PACSIN2: variants seen among roughly 807,000 people sequenced by gnomAD.
The protein encoded by PACSIN2 is protein kinase C and casein kinase substrate in neurons protein 2.
PACSIN2 carries 25 observed loss-of-function variants against 63.8 expected under a neutral mutation model. The ratio of observed to expected loss-of-function variants is 0.39; its 90% CI spans 0.29 to 0.55. The LOEUF (loss-of-function observed/expected upper bound fraction) is 0.55. PACSIN2 is among the 20% of genes least tolerant of loss of function. The pLI is 0.62. For synonymous variants in PACSIN2, 255 were observed against 256.2 expected (o/e 1.00, Z 0.05); for missense variants, 518 against 646.9 (o/e 0.80, Z 2.16).
chr22:42,921,237 T>C (rs1932171131), intron 1 of PACSIN2, among the ~76,000 whole-genome samples: 1 of 151,920 alleles, frequency 6.6e-6, no homozygotes, highest in South Asian at 2.1e-4. Context: ...CACACGCCTG[T>C]AGTTCTAGCT....
chr22:42,934,201 G>C (rs904073675), intron 1 of PACSIN2, among the ~76,000 whole-genome samples: 1 of 152,192 alleles, frequency 6.6e-6, no homozygotes, highest in Non-Finnish European at 1.5e-5. Flanking sequence ...CGTGCAGAGA[G>C]CACTGAGGCT....
chr22:42,921,800 G>A (rs1379712123), intron 1 of PACSIN2, among the ~76,000 whole-genome samples: 3 of 151,320 alleles, frequency 2.0e-5, no homozygotes, highest in Non-Finnish European at 2.9e-5. Flanking sequence ...GTGCAGTGGC[G>A]CGATCTCAGC....
At chr22:42,912,804 A>C (rs1457698390) in intron 1 of PACSIN2, among the ~76,000 whole-genome samples, 6 of 152,180 alleles carry the variant, frequency 3.9e-5, no homozygotes, top group Non-Finnish European at 8.8e-5. Context: ...CCGAGATGAA[A>C]CTGTCTGACT....
Position 42,879,114 on chromosome 22 carries a change from G to A in PACSIN2, c.962C>T (p.Thr321Ile). Residue 321 changes from threonine (T) to isoleucine (I), a missense_variant, in exon 8 of 11, where the codon ACT becomes ATT. Thr to Ile is a moderately conservative substitution (Grantham distance 89). Around this residue, in one of 2 missense-constraint regions of PACSIN2, gnomAD observed 507 missense variants for 612.3 expected, o/e 0.83. Coordinates refer to ENST00000263246, the MANE Select transcript of PACSIN2 (RefSeq NM_001184970.3). Reference sequence around the variant, plus strand: ...GATGCCCGTCAGGGTGACGCCGTCAGTGGCCTTCTTCTTCTCTCTCCGGCT... The same window carrying A: ...GATGCCCGTCAGGGTGACGCCGTCAATGGCCTTCTTCTTCTCTCTCCGGCT... ...TLSRREKKKA[T>I]DGVTLTGINQ... 1 of 1,614,130 alleles carries A rather than the reference G, an allele frequency of 6.2e-7. No individual in the cohort carries two copies. The highest frequency in any genetic ancestry group is 8.5e-7 in the Non-Finnish European group (1 of 1,179,998).
chr22:42,974,761 AAAAAG>A (rs1381791353), intron 1 of PACSIN2, among the ~76,000 whole-genome samples: 24 of 151,480 alleles, frequency 1.6e-4, no homozygotes, highest in East Asian at 5.8e-4. Flanking sequence ...AAAAAAAAAA[AAAAAG>A]AAAAGAAAAG....
At chr22:42,977,072 A>G (rs1285484507) in intron 1 of PACSIN2, among the ~76,000 whole-genome samples, 2 of 152,246 alleles carry the variant, frequency 1.3e-5, no homozygotes, top group African/African-American at 4.8e-5. Flanking sequence ...TTGCAAATAT[A>G]TAAACATATA....
chr22:42,920,435 T>A (rs996306167), intron 1 of PACSIN2, among the ~76,000 whole-genome samples: 1 of 152,248 alleles, frequency 6.6e-6, no homozygotes, highest in African/African-American at 2.4e-5. Context: ...ATGTTTCCCA[T>A]GTAGTTCCTC....
Position 43,007,096 on chromosome 22 carries a change from T to A in PACSIN2, c.-78+7925A>T, listed in dbSNP as rs147717694. Among the ~76,000 whole-genome samples, 17 of 152,134 alleles carry A rather than the reference T, an allele frequency of 1.1e-4. No homozygotes were observed. The East Asian group carries it at 2.9e-3, about 26-fold the overall frequency. ...CATCTTGCTTCTCTGAAGATCTTCA[T>A]CCCGGTATTTTAAATACCCAGAAAC... On this transcript the variant is annotated intron_variant, in intron 1 of 10. Transcript: ENST00000263246.
At chr22:42,883,079 G>T (rs939296761) in intron 6 of PACSIN2, among the ~76,000 whole-genome samples, 2 of 152,104 alleles carry the variant, frequency 1.3e-5, no homozygotes, top group African/African-American at 2.4e-5. Flanking sequence ...TCACTAGCAG[G>T]GGCCCTAATC....
intron 2 of PACSIN2, among the ~76,000 whole-genome samples, chr22:42,901,010 C>A (rs1930646878): frequency 6.6e-6 from 1 of 152,194 alleles, no homozygotes; most frequent in Non-Finnish European, 1.5e-5. Flanking sequence ...AGGCCCTGCT[C>A]CTGTCCCCAC....
intron 1 of PACSIN2, among the ~76,000 whole-genome samples, chr22:42,970,508 A>G (rs1294032130): frequency 6.6e-6 from 1 of 152,276 alleles, no homozygotes; most frequent in Non-Finnish European, 1.5e-5. Flanking sequence ...TGTTAACATT[A>G]GAGAAAGTCA....
At chr22:43,003,067 G>C (rs1039682257) in intron 1 of PACSIN2, among the ~76,000 whole-genome samples, 1 of 152,194 alleles carries the variant, frequency 6.6e-6, no homozygotes, top group South Asian at 2.1e-4. Context: ...CAACCTCGAA[G>C]TGTTGCCTTG....
intron 1 of PACSIN2, among the ~76,000 whole-genome samples, chr22:43,007,812 G>A (rs2146927541): frequency 6.6e-6 from 1 of 152,358 alleles, no homozygotes; most frequent in South Asian, 2.1e-4. Context: ...GCTGCAGGCA[G>A]AGCCAGGGGC....
chr22:42,941,819 C>G (rs1421041131), intron 1 of PACSIN2, among the ~76,000 whole-genome samples: 3 of 152,140 alleles, frequency 2.0e-5, no homozygotes, highest in Non-Finnish European at 4.4e-5. Context: ...CTCTGTCACC[C>G]AGGCTGGAGT....
chr22:42,984,113 G>A (rs1251644265), intron 1 of PACSIN2, among the ~76,000 whole-genome samples: 1 of 151,842 alleles, frequency 6.6e-6, no homozygotes, highest in Non-Finnish European at 1.5e-5. Flanking sequence ...TGGGATCATA[G>A]GTGTGCACCA....
At chr22:42,879,788 G>A (rs921773358) in intron 7 of PACSIN2, among the ~76,000 whole-genome samples, 4 of 152,194 alleles carry the variant, frequency 2.6e-5, no homozygotes, top group Non-Finnish European at 5.9e-5. Flanking sequence ...TAAAACCAGG[G>A]CTAGGTGGCT....
In PACSIN2 at chr22:42,891,136, G is replaced by A. The variant is rs903783703; in HGVS notation, c.264C>T (p.Ser88=). 23 of 1,613,908 alleles carry A rather than the reference G, an allele frequency of 1.4e-5. No individual in the cohort carries two copies. The highest frequency in any genetic ancestry group is 3.3e-5 in the South Asian group (3 of 91,080). The change falls in exon 4 of 11, where the codon TCC becomes TCT. Residue 88 remains serine, a synonymous_variant. Transcript: ENST00000263246. ...TVEKAWMAFM[S]EAERVSELHL... is the part of the protein sequence containing the mutation. The stretch of plus-strand genomic sequence containing the variant: ...GCAGCTCGCTCACCCTCTCTGCCTC[G>A]GACATGAAGGCCATCCAGGCCTTCT...
chr22:43,006,706 T>C (rs1354619890), intron 1 of PACSIN2, among the ~76,000 whole-genome samples: 1 of 152,012 alleles, frequency 6.6e-6, no homozygotes, highest in Non-Finnish European at 1.5e-5. Context: ...TCCCAGCTAC[T>C]TGGGAGGCTG....
In PACSIN2 at chr22:42,933,888, C is replaced by T. The variant is rs79358373; in HGVS notation, c.-77-21731G>A. Among the ~76,000 whole-genome samples, 1,451 of 152,174 alleles carry T rather than the reference C, an allele frequency of 9.5e-3. 23 individuals carry two copies. Among genetic ancestry groups the T allele is most frequent in the African/African-American group, 0.033 (1,359 of 41,492 alleles). ...GTGTGTGAAAGTATGAACAAGCAGA[C>T]GAGGAAATATTATGGCGCCATGGTA... is the stretch of plus-strand genomic sequence containing the variant. On this transcript the variant is annotated intron_variant, in intron 1 of 10. Coordinates refer to ENST00000263246, the MANE Select transcript of PACSIN2 (RefSeq NM_001184970.3).
Sources: gnomAD v4.1 joint callset for allele counts (sites outside exome capture counted in the v4.1 genomes callset) on GRCh38, gnomAD v4.1.1 for gene constraint, gnomAD v4.1.1 regional missense constraint, MANE v1.5 for transcripts, NCBI Gene and HGNC (gene_info 2026-07-23, HGNC 2026-07-21) for gene names.